MEGF6: variants seen among roughly 807,000 people sequenced by gnomAD.
The protein encoded by MEGF6 is multiple EGF like domains 6, also known as multiple epidermal growth factor-like domains protein 6.
MEGF6 carries 184 observed loss-of-function variants against 207.1 expected under a neutral mutation model. The observed-to-expected ratio is 0.89, with a 90% CI of 0.79 to 1.00. The LOEUF is 1.00. Among genes scored for constraint, MEGF6 ranks in the 50% least tolerant of loss-of-function variants. The pLI is 0.00. For synonymous variants in MEGF6, 1,038 were observed against 910.0 expected (o/e 1.14, Z -2.53); for missense variants, 2,282 against 2,202.9 (o/e 1.04, Z -0.72).
At chr1:3,570,952 C>G (rs573700335) in intron 4 of MEGF6, among the ~76,000 whole-genome samples, 3 of 152,286 alleles carry the variant, frequency 2.0e-5, no homozygotes, top group East Asian at 1.9e-4. Flanking sequence ...CTGTGGCACA[C>G]GGGGACACAC....
chr1:3,599,856 C>T (rs7552280), intron 2 of MEGF6, among the ~76,000 whole-genome samples: 105,903 of 152,136 alleles, frequency 0.7, 37,822 homozygotes, highest in East Asian at 0.85. Flanking sequence ...TTCTGTGCCC[C>T]GTTTCTGGGC....
intron 20 of MEGF6, 59 bp from the exon 21 acceptor site, chr1:3,500,823 G>A: frequency 6.3e-7 from 1 of 1,594,196 alleles, no homozygotes; most frequent in Non-Finnish European, 8.6e-7. Context: ...GGGCACCACA[G>A]CCGAGTCAGG....
At chr1:3,542,941 C>T (rs1326711996) in intron 4 of MEGF6, among the ~76,000 whole-genome samples, 1 of 152,130 alleles carries the variant, frequency 6.6e-6, no homozygotes, top group Admixed American at 6.5e-5. Context: ...GGCCTGCCAG[C>T]TCTGGCACGC....
At chr1:3,602,083 A>T (rs1644169019) in intron 2 of MEGF6, among the ~76,000 whole-genome samples, 1 of 152,244 alleles carries the variant, frequency 6.6e-6, no homozygotes, top group Admixed American at 6.5e-5. Flanking sequence ...TGCGCAGTAA[A>T]AAGTTTCACG....
chr1:3,586,794 G>C (rs1290991704), intron 3 of MEGF6, among the ~76,000 whole-genome samples: 4 of 152,198 alleles, frequency 2.6e-5, no homozygotes, highest in Non-Finnish European at 4.4e-5. Context: ...AGGCCACAGG[G>C]CCCAGATGAC....
chr1:3,561,142 G>C (rs1488083384), intron 4 of MEGF6, among the ~76,000 whole-genome samples: 1 of 152,210 alleles, frequency 6.6e-6, no homozygotes, highest in African/African-American at 2.4e-5. Context: ...GGCAGGTCGG[G>C]TGGAGGCTGC....
At chr1:3,508,507 T>C in intron 13 of MEGF6, 51 bp downstream of exon 13, 1 of 1,587,760 alleles carries the variant, frequency 6.3e-7, no homozygotes, top group South Asian at 1.1e-5. Context: ...CCCCAGGTCT[T>C]GGGGCTCAGA....
intron 3 of MEGF6, among the ~76,000 whole-genome samples, chr1:3,592,321 G>A (rs559008308): frequency 6.6e-5 from 10 of 152,212 alleles, no homozygotes; most frequent in African/African-American, 7.2e-5. Flanking sequence ...CAGGCCCCCC[G>A]CTGACCCTGA....
rs754011653 is a variant in MEGF6 at position 3,499,649 on chromosome 1, A to T, written c.2904T>A (p.Cys968Ter). The T allele has an allele frequency of 6.3e-7, 1 of 1,595,672 alleles. No individual in the cohort carries two copies. Among genetic ancestry groups the T allele is most frequent in the Non-Finnish European group, 8.5e-7 (1 of 1,172,298 alleles). Reference protein sequence around the residue: ...SACNCTAGAACDAVNGSCLCP... With the variant: ...SACNCTAGAA ...AGAGGCAGGAGCCATTCACGGCATC[A>T]CAGGCAGCTCCGGCGGTGCAGTTGC... The change falls in exon 23 of 37, where the codon TGT (cysteine) becomes TGA (stop). Residue 968 changes from cysteine (C) to a stop codon, truncating the protein, a stop_gained. Transcript: ENST00000356575. LOFTEE classifies it high-confidence loss of function.
chr1:3,620,459 G>A, the MEGF6 span, among the ~76,000 whole-genome samples: 3 of 152,250 alleles, frequency 2.0e-5, no homozygotes, highest in Non-Finnish European at 2.9e-5. Flanking sequence ...GAGCCCGTAG[G>A]TGTGCAGAAG....
At chr1:3,530,730 T>C (rs954039291) in intron 4 of MEGF6, among the ~76,000 whole-genome samples, 12 of 152,214 alleles carry the variant, frequency 7.9e-5, no homozygotes, top group African/African-American at 2.9e-4. Flanking sequence ...AAAGGGCCTT[T>C]GTCTCCAGCC....
In MEGF6 at chr1:3,556,374, T is replaced by C. The variant is rs867586371; in HGVS notation, c.481+23451A>G. ...GTCACACTCATTACATGAAGTTTCA[T>C]GGTAAGTGGCGCATCCAAAACCGCC... On this transcript the variant is annotated intron_variant, in intron 4 of 36. Transcript: ENST00000356575. The surrounding 1 kb of genome is among the most constrained non-coding windows in gnomAD (Gnocchi z 4.4). 6.6e-6 allele frequency among the ~76,000 whole-genome samples: 1 copy of C among 152,238 alleles called. No homozygotes were observed. Among genetic ancestry groups the C allele is most frequent in the African/African-American group, 2.4e-5 (1 of 41,460 alleles).
At chr1:3,618,959 C>T in the MEGF6 span, among the ~76,000 whole-genome samples, 2 of 152,198 alleles carry the variant, frequency 1.3e-5, no homozygotes, top group South Asian at 2.1e-4. This position sits in a 1 kb window ranked among gnomAD's most constrained non-coding sequence, Gnocchi z 4.7. Context: ...CCCTTTGGCA[C>T]GTGGCCCCCT....
At chr1:3,532,350 G>A (rs901643170) in intron 4 of MEGF6, among the ~76,000 whole-genome samples, 1 of 152,228 alleles carries the variant, frequency 6.6e-6, no homozygotes, top group Non-Finnish European at 1.5e-5. Context: ...ACCTATCCTT[G>A]GTCGGGGGTC....
At chr1:3,541,172 C>T (rs562505807) in intron 4 of MEGF6, among the ~76,000 whole-genome samples, 1 of 152,376 alleles carries the variant, frequency 6.6e-6, no homozygotes, top group South Asian at 2.1e-4. Flanking sequence ...GCCTCTTGCT[C>T]CATTCTCTAA....
chr1:3,599,528 C>A (rs1644125461), intron 2 of MEGF6, among the ~76,000 whole-genome samples: 1 of 152,262 alleles, frequency 6.6e-6, no homozygotes, highest in Admixed American at 6.5e-5. Flanking sequence ...CAACCTGGCA[C>A]AGGCACACTG....
intron 3 of MEGF6, among the ~76,000 whole-genome samples, chr1:3,585,839 G>C (rs1226559668): frequency 6.8e-6 from 1 of 147,728 alleles, no homozygotes; most frequent in Non-Finnish European, 1.5e-5. Flanking sequence ...CCTGTGTGTG[G>C]GTGTGAATGA....
At chr1:3,587,603 G>A (rs1346764819) in intron 3 of MEGF6, among the ~76,000 whole-genome samples, 4 of 152,224 alleles carry the variant, frequency 2.6e-5, no homozygotes, top group East Asian at 1.9e-4. Flanking sequence ...AAGGAGAACC[G>A]CCTCCTCACG....
chr1:3,530,701 A>C (rs1228953015), intron 4 of MEGF6, among the ~76,000 whole-genome samples: 1 of 152,122 alleles, frequency 6.6e-6, no homozygotes, highest in Admixed American at 6.5e-5. Flanking sequence ...GACCCCGGAG[A>C]CTCAGCTCCG....
Sources: allele counts gnomAD v4.1 joint callset (sites outside exome capture counted in the v4.1 genomes callset), GRCh38; gene constraint gnomAD v4.1.1; non-coding constraint Gnocchi (gnomAD v3.1); transcripts MANE v1.5; gene names NCBI Gene and HGNC (gene_info 2026-07-23, HGNC 2026-07-21).